Variants in MEOX2 observed in about 807,000 individuals in gnomAD.
MEOX2 encodes the protein homeobox protein MOX-2.
MEOX2 carries 11 observed loss-of-function variants against 27.0 expected under a neutral mutation model. That is an observed-to-expected ratio of 0.41 (90% CI 0.26 to 0.68). The LOEUF is 0.68. MEOX2 is among the 30% of genes least tolerant of loss of function. MEOX2 has a pLI of 0.33. For missense variants in MEOX2, 436 were observed against 385.4 expected (o/e 1.13, Z -1.10); for synonymous variants, 189 against 155.4 (o/e 1.22, Z -1.61).
At chr7:15,654,679 A>C (rs1781791320) in intron 1 of MEOX2, among the ~76,000 whole-genome samples, 1 of 151,808 alleles carries the variant, frequency 6.6e-6, no homozygotes, top group African/African-American at 2.4e-5. Flanking sequence ...TTTTGCTTTT[A>C]ATATGGTGAA....
chr7:15,675,583 A>C (rs891975527), intron 1 of MEOX2, among the ~76,000 whole-genome samples: 4 of 152,236 alleles, frequency 2.6e-5, no homozygotes, highest in Non-Finnish European at 5.9e-5. Context: ...ATGGACAGAC[A>C]TTACTTAACT....
intron 1 of MEOX2, among the ~76,000 whole-genome samples, chr7:15,639,467 AAGCT>A (rs2115369479): frequency 6.6e-6 from 1 of 152,130 alleles, no homozygotes; most frequent in Admixed American, 6.5e-5. Context: ...TGCTGTGCAG[AAGCT>A]CTTTAGTTTA....
chr7:15,618,650 C>T (rs1202728731), intron 2 of MEOX2, among the ~76,000 whole-genome samples: 5 of 151,772 alleles, frequency 3.3e-5, no homozygotes, highest in Non-Finnish European at 7.4e-5. Flanking sequence ...TGAAATATTA[C>T]TATGATTCAA....
At chr7:15,662,515 TAAAAG>T (rs1023368884) in intron 1 of MEOX2, among the ~76,000 whole-genome samples, 2 of 151,954 alleles carry the variant, frequency 1.3e-5, no homozygotes, top group African/African-American at 2.4e-5. Flanking sequence ...AGATTCAAAA[TAAAAG>T]AATAGAGACA....
chr7:15,624,354 C>T (rs7793547), intron 2 of MEOX2, among the ~76,000 whole-genome samples: 100,834 of 151,524 alleles, frequency 0.67, 33,762 homozygotes, highest in East Asian at 0.8. Flanking sequence ...AACTATCTCT[C>T]ATGTTCTGTG....
intron 1 of MEOX2, among the ~76,000 whole-genome samples, chr7:15,628,763 T>A (rs1211985649): frequency 1.3e-5 from 2 of 152,112 alleles, no homozygotes; most frequent in Non-Finnish European, 2.9e-5. Context: ...TACAGATATG[T>A]CAGCATCCAC....
At chr7:15,638,894 T>G (rs185464468) in intron 1 of MEOX2, among the ~76,000 whole-genome samples, 6 of 152,272 alleles carry the variant, frequency 3.9e-5, no homozygotes, top group South Asian at 4.1e-4. Flanking sequence ...GATGGACATT[T>G]AGGTTGATTC....
At chr7:15,639,499 G>A (rs548879689) in intron 1 of MEOX2, among the ~76,000 whole-genome samples, 2 of 151,720 alleles carry the variant, frequency 1.3e-5, no homozygotes, top group African/African-American at 4.8e-5. Context: ...CCATTTGTCT[G>A]CTTTTGTTTT....
At chr7:15,616,418 T>C (rs890795116) in intron 2 of MEOX2, among the ~76,000 whole-genome samples, 8 of 151,802 alleles carry the variant, frequency 5.3e-5, no homozygotes, top group Non-Finnish European at 7.4e-5. Flanking sequence ...ACACACATTT[T>C]TCTATTAGCA....
At chr7:15,615,793 A>G (rs1008194837) in intron 2 of MEOX2, among the ~76,000 whole-genome samples, 1 of 152,100 alleles carries the variant, frequency 6.6e-6, no homozygotes, top group South Asian at 2.1e-4. Flanking sequence ...TACATATGTC[A>G]TGATCATCAT....
At chr7:15,680,057 T>C (rs1198271035) in intron 1 of MEOX2, 1 of 151,904 alleles carries the variant, frequency 6.6e-6, no homozygotes, top group African/African-American at 2.4e-5. Flanking sequence ...CTACTTATTA[T>C]TCCGGAAATT....
chr7:15,663,065 A>G (rs1436316619), intron 1 of MEOX2, among the ~76,000 whole-genome samples: 1 of 152,180 alleles, frequency 6.6e-6, no homozygotes, highest in African/African-American at 2.4e-5. Flanking sequence ...TAAATAACCA[A>G]TCTGTAAATC....
intron 1 of MEOX2, among the ~76,000 whole-genome samples, chr7:15,678,502 C>G (rs956934927): frequency 6.6e-6 from 1 of 152,150 alleles, no homozygotes; most frequent in Non-Finnish European, 1.5e-5. Flanking sequence ...GCTTTGCATT[C>G]ATTGTTAATT....
rs1583753787 is a variant in MEOX2, at chr7:15,634,166, G to A, written c.518-7248C>T. Among the ~76,000 whole-genome samples the A allele has an allele frequency of 3.3e-5, 5 of 151,978 alleles. No individual in the cohort carries two copies. The South Asian group carries it at 1.0e-3, about 32-fold the overall frequency. ...ATCATTGAATGTTATACGAAGTGAA[G>A]GAACATATTGCCCAGAGATTATAGT... On this transcript the variant is annotated intron_variant, in intron 1 of 2. Coordinates refer to ENST00000262041, the MANE Select transcript of MEOX2 (RefSeq NM_005924.5).
At chr7:15,619,838 A>T (rs1562595029) in intron 2 of MEOX2, among the ~76,000 whole-genome samples, 1 of 151,986 alleles carries the variant, frequency 6.6e-6, no homozygotes, top group African/African-American at 2.4e-5. Flanking sequence ...ATTTACATTT[A>T]TTAGGGATGA....
intron 1 of MEOX2, 123 bp from the exon 2 acceptor site, chr7:15,627,041 AC>A (rs1289803578): frequency 1.1e-6 from 1 of 873,192 alleles, no homozygotes; most frequent in Non-Finnish European, 1.7e-6. Flanking sequence ...ACAAATAGAG[AC>A]CAAAGACAGC....
intron 1 of MEOX2, among the ~76,000 whole-genome samples, chr7:15,629,755 G>A (rs1304441288): frequency 1.3e-5 from 2 of 151,742 alleles, no homozygotes; most frequent in African/African-American, 4.8e-5. Flanking sequence ...TACAGTCTTG[G>A]TTTTTTAAAA....
chr7:15,617,652 A>G (rs1048974036), intron 2 of MEOX2, among the ~76,000 whole-genome samples: 1 of 152,074 alleles, frequency 6.6e-6, no homozygotes, highest in African/African-American at 2.4e-5. Flanking sequence ...TACCACAATT[A>G]AAGGGTGTTT....
At chr7:15,633,389 T>G (rs984833558) in intron 1 of MEOX2, among the ~76,000 whole-genome samples, 4 of 151,946 alleles carry the variant, frequency 2.6e-5, no homozygotes, top group East Asian at 1.9e-4. Flanking sequence ...TTTCACAAAT[T>G]AAGGACAATA....
Sources: gnomAD v4.1 joint callset for allele counts (sites outside exome capture counted in the v4.1 genomes callset) on GRCh38, gnomAD v4.1.1 for gene constraint, MANE v1.5 for transcripts, NCBI Gene and HGNC (gene_info 2026-07-23, HGNC 2026-07-21) for gene names.